Variants in GMDS observed in about 807,000 individuals in gnomAD.
The protein encoded by GMDS is GDP-mannose 4,6-dehydratase, also known as GDP-mannose 4,6 dehydratase.
A neutral mutation model predicts 49.9 loss-of-function variants in GMDS; 20 were observed. The observed-to-expected ratio is 0.40, with a 90% CI of 0.28 to 0.58. The LOEUF is 0.58. Ranked by LOEUF, GMDS falls within the 20% of genes least tolerant of loss-of-function variation. The probability of loss-of-function intolerance (pLI) is 0.42; values close to 1 mark genes in which losing one functional copy is unlikely to be tolerated. For missense variants in GMDS, 362 were observed against 481.4 expected (o/e 0.75, Z 2.32); for synonymous variants, 177 against 178.6 (o/e 0.99, Z 0.07).
chr6:2,022,889 T>C lies in GMDS; in HGVS notation c.346-61923A>G, dbSNP rs545858496. Among the ~76,000 whole-genome samples, 7 of 152,294 alleles carry C rather than the reference T, an allele frequency of 4.6e-5. No homozygotes were observed. In the South Asian group the frequency reaches 1.2e-3, roughly 27 times the overall value. On this transcript the variant is annotated intron_variant, in intron 4 of 10. Coordinates refer to ENST00000380815, the MANE Select transcript of GMDS (RefSeq NM_001500.4). ...TCCAATAAGCCCTCTGTCTGAGGAA[T>C]AATAAAAACTGTTCAGGCATGTGTC...
At chr6:1,632,924 T>G (rs1251196804) in intron 9 of GMDS, among the ~76,000 whole-genome samples, 1 of 152,224 alleles carries the variant, frequency 6.6e-6, no homozygotes, top group Non-Finnish European at 1.5e-5. Context: ...GCGGCATTGC[T>G]GGAGAGACCT....
chr6:1,743,765 G>T (rs1200646001), intron 7 of GMDS, among the ~76,000 whole-genome samples: 1 of 120,388 alleles, frequency 8.3e-6, no homozygotes, highest in East Asian at 3.3e-4. Context: ...GATAGGAGAT[G>T]AAGATTTAAA....
At chr6:1,936,568 C>T (rs1247649737) in intron 6 of GMDS, among the ~76,000 whole-genome samples, 1 of 152,160 alleles carries the variant, frequency 6.6e-6, no homozygotes, top group African/African-American at 2.4e-5. Flanking sequence ...GCCCCTTTTC[C>T]AACACTAGGT....
chr6:2,067,487 G>A (rs1160691246), intron 4 of GMDS, among the ~76,000 whole-genome samples: 2 of 151,952 alleles, frequency 1.3e-5, no homozygotes, highest in African/African-American at 4.8e-5. Flanking sequence ...CTGCTTTTTT[G>A]AAAGGATCAA....
intron 4 of GMDS, among the ~76,000 whole-genome samples, chr6:2,087,623 G>T (rs1773085922): frequency 6.6e-6 from 1 of 152,164 alleles, no homozygotes; most frequent in Non-Finnish European, 1.5e-5. Context: ...GAAAAAGTAG[G>T]CACTCAATGA....
intron 7 of GMDS, among the ~76,000 whole-genome samples, chr6:1,900,185 G>A (rs150934313): frequency 2.0e-5 from 3 of 152,200 alleles, no homozygotes; most frequent in East Asian, 1.9e-4. Context: ...TTCATTGGAC[G>A]GGGAGAAACT....
At chr6:1,679,854 A>C (rs1381038186) in intron 9 of GMDS, 2 of 152,230 alleles carry the variant, frequency 1.3e-5, no homozygotes, top group Non-Finnish European at 2.9e-5. Context: ...CAGACCACAA[A>C]GGGGCAGAGA....
chr6:1,630,869 C>T (rs935837125), intron 9 of GMDS, among the ~76,000 whole-genome samples: 1 of 151,806 alleles, frequency 6.6e-6, no homozygotes, highest in South Asian at 2.1e-4. Flanking sequence ...TCCACTCTGA[C>T]GAGCTGAGAT....
intron 1 of GMDS, among the ~76,000 whole-genome samples, chr6:2,151,273 C>T: frequency 6.6e-6 from 1 of 151,614 alleles, no homozygotes; most frequent in Non-Finnish European, 1.5e-5. Flanking sequence ...ATCAAAATAT[C>T]TCATGTAACC....
At chr6:2,150,326 C>A (rs1206373026) in intron 1 of GMDS, among the ~76,000 whole-genome samples, 1 of 152,054 alleles carries the variant, frequency 6.6e-6, no homozygotes, top group Non-Finnish European at 1.5e-5. Context: ...GAGGTGGGAC[C>A]ATTTGAGCCC....
intron 7 of GMDS, among the ~76,000 whole-genome samples, chr6:1,885,368 C>CT (rs959405018): frequency 1.3e-5 from 2 of 152,082 alleles, no homozygotes; most frequent in Non-Finnish European, 2.9e-5. Context: ...GCTTGTTTAT[C>CT]TTTATCATAT....
rs1327820831 is a variant in GMDS at position 1,999,993 on chromosome 6, A to T, written c.346-39027T>A. On this transcript the variant is annotated intron_variant, in intron 4 of 10. Transcript: ENST00000380815. ...TATTATATATATATTTTATATATAT[A>T]TATTATATATATATATTTTTTATAT... Among the ~76,000 whole-genome samples the T allele has an allele frequency of 2.2e-3, 36 of 16,338 alleles. 4 individuals carry two copies. Among genetic ancestry groups the T allele is most frequent in the Non-Finnish European group, 3.8e-3 (28 of 7,430 alleles). 10.7% of individuals were successfully genotyped at this position (16,338 alleles called of 152,430 possible).
intron 7 of GMDS, among the ~76,000 whole-genome samples, chr6:1,818,014 C>T (rs1022167195): frequency 6.6e-6 from 1 of 151,960 alleles, no homozygotes; most frequent in Non-Finnish European, 1.5e-5. Flanking sequence ...ACAGAGCTTG[C>T]CTTAAAAGTA....
rs548480343 is a variant in GMDS at position 1,766,493 on chromosome 6, T to C, written c.772-23907A>G. 1.3e-5 allele frequency among the ~76,000 whole-genome samples: 2 copies of C among 152,136 alleles called. No individual in the cohort carries two copies. Among genetic ancestry groups the C allele is most frequent in the Non-Finnish European group, 2.9e-5 (2 of 68,036 alleles). On this transcript the variant is annotated intron_variant, in intron 7 of 10. Coordinates refer to ENST00000380815, the MANE Select transcript of GMDS (RefSeq NM_001500.4). This position sits in a 1 kb window ranked among gnomAD's most constrained non-coding sequence, Gnocchi z 4.5. ...AAGAAATGAGTATCATATTTATATATCTGCTATAACTCACTTTCTAATGAA... is the reference window on the plus strand; with the variant it reads ...AAGAAATGAGTATCATATTTATATACCTGCTATAACTCACTTTCTAATGAA...
At chr6:2,152,188 T>C (rs1052641434) in intron 1 of GMDS, among the ~76,000 whole-genome samples, 7 of 152,166 alleles carry the variant, frequency 4.6e-5, no homozygotes, top group Non-Finnish European at 2.9e-5. Context: ...TAAAGTCCTT[T>C]ATTAAATACA....
chr6:2,133,744 G>A (rs751881437), intron 1 of GMDS, among the ~76,000 whole-genome samples: 8 of 152,126 alleles, frequency 5.3e-5, no homozygotes, highest in South Asian at 4.2e-4. Flanking sequence ...TATCAGGAGC[G>A]TAAATGTAGA....
chr6:1,624,567 C>T, intron 9 of GMDS, 27 bp from the exon 10 acceptor site: 7 of 1,572,668 alleles, frequency 4.5e-6, no homozygotes, highest in Non-Finnish European at 6.1e-6. Flanking sequence ...GGAGACGAAG[C>T]AGGCGTGGGT....
rs114991147 is a variant in GMDS, at chr6:1,869,528, C to G, written c.771+60575G>C. 6.3e-3 allele frequency among the ~76,000 whole-genome samples: 959 copies of G among 152,268 alleles called. 11 individuals are homozygous for G. The highest frequency in any genetic ancestry group is 0.022 in the African/African-American group (905 of 41,556). On this transcript the variant is annotated intron_variant, in intron 7 of 10. Transcript: ENST00000380815. ...GGGCTGTCAAGGTCTAGCTCCTGGT[C>G]AATGTCTGGTATTCAGGTATTTGGA... is the stretch of plus-strand genomic sequence containing the variant.
At chr6:2,110,517 C>G (rs1169128692) in intron 4 of GMDS, among the ~76,000 whole-genome samples, 2 of 152,184 alleles carry the variant, frequency 1.3e-5, no homozygotes, top group Non-Finnish European at 2.9e-5. Context: ...CACTAACGCA[C>G]TGGCCCCTTG....
Sources: gnomAD v4.1 joint callset for allele counts (sites outside exome capture counted in the v4.1 genomes callset) on GRCh38, gnomAD v4.1.1 for gene constraint, Gnocchi (gnomAD v3.1) non-coding constraint, MANE v1.5 for transcripts, NCBI Gene and HGNC (gene_info 2026-07-23, HGNC 2026-07-21) for gene names.